The following SPAG16 variants were observed in gnomAD, a reference collection of about 807,000 sequenced individuals.
SPAG16 encodes the protein sperm associated antigen 16.
In SPAG16, 86 loss-of-function variants were observed where a neutral mutation model predicts 80.4. The observed-to-expected ratio is 1.07, with a 90% CI of 0.90 to 1.28. SPAG16 has a LOEUF of 1.28. Ranked by LOEUF, SPAG16 falls within the 50% of genes most tolerant of loss-of-function variation. The pLI is 0.00. For synonymous variants in SPAG16, 294 were observed against 265.9 expected (o/e 1.11, Z -1.03); for missense variants, 870 against 765.3 (o/e 1.14, Z -1.61).
At chr2:214,104,544 A>G (rs1236991040) in intron 13 of SPAG16, among the ~76,000 whole-genome samples, 1 of 152,032 alleles carries the variant, frequency 6.6e-6, no homozygotes, top group African/African-American at 2.4e-5. Context: ...TTGAAGAAAG[A>G]CTTGTAGTAG....
intron 10 of SPAG16, among the ~76,000 whole-genome samples, chr2:213,583,605 C>T (rs2060365652): frequency 6.6e-6 from 1 of 152,014 alleles, no homozygotes; most frequent in Non-Finnish European, 1.5e-5. Context: ...TAGATATTGA[C>T]ATTTGGGGGG....
At chr2:214,167,515 G>A (rs2056703985) in intron 15 of SPAG16, among the ~76,000 whole-genome samples, 1 of 151,944 alleles carries the variant, frequency 6.6e-6, no homozygotes, top group South Asian at 2.1e-4. Context: ...CTTTTCCTGG[G>A]GGTGGTTCCA....
intron 10 of SPAG16, among the ~76,000 whole-genome samples, chr2:213,705,778 G>T (rs1256536343): frequency 1.3e-5 from 1 of 79,938 alleles, no homozygotes; most frequent in Non-Finnish European, 2.4e-5. Flanking sequence ...GCCAATCATG[G>T]TGGAGGGTTT....
intron 15 of SPAG16, among the ~76,000 whole-genome samples, chr2:214,228,058 T>A (rs1160402315): frequency 6.6e-6 from 1 of 151,944 alleles, no homozygotes; most frequent in Admixed American, 6.6e-5. Flanking sequence ...GGCAAAGAAA[T>A]AATCTTTCAC....
At chr2:213,826,463 A>C (rs1351799591) in intron 10 of SPAG16, among the ~76,000 whole-genome samples, 1 of 151,520 alleles carries the variant, frequency 6.6e-6, no homozygotes, top group East Asian at 1.9e-4. Flanking sequence ...TGTTTCAAGA[A>C]ATTTTTCAAT....
intron 13 of SPAG16, among the ~76,000 whole-genome samples, chr2:214,102,999 T>A (rs1366322529): frequency 6.6e-6 from 1 of 152,128 alleles, no homozygotes; most frequent in Non-Finnish European, 1.5e-5. Context: ...GCTTCCCGCA[T>A]GCGCAGTGTT....
chr2:213,763,757 C>T (rs1047490298), intron 10 of SPAG16, among the ~76,000 whole-genome samples: 3 of 152,106 alleles, frequency 2.0e-5, no homozygotes, highest in East Asian at 1.9e-4. Context: ...AAAGACCGTT[C>T]GTTGCACTCA....
chr2:213,371,773 A>G (rs1302886828), intron 8 of SPAG16, among the ~76,000 whole-genome samples: 2 of 152,204 alleles, frequency 1.3e-5, no homozygotes, highest in Non-Finnish European at 2.9e-5. Flanking sequence ...CAAAGTTAGC[A>G]AAGTATTTTA....
At chr2:213,511,717 T>C (rs1038358285) in intron 10 of SPAG16, among the ~76,000 whole-genome samples, 5 of 152,092 alleles carry the variant, frequency 3.3e-5, no homozygotes, top group Admixed American at 6.5e-5. Flanking sequence ...ATCAAACTTA[T>C]TCTAGTGAGA....
chr2:214,015,556 C>G (rs994800302), intron 13 of SPAG16, among the ~76,000 whole-genome samples: 11 of 151,294 alleles, frequency 7.3e-5, no homozygotes, highest in African/African-American at 2.4e-4. Flanking sequence ...CGAAATCATG[C>G]CATTGCACTC....
At chr2:213,935,283 G>T (rs1327511068) in intron 12 of SPAG16, among the ~76,000 whole-genome samples, 2 of 150,346 alleles carry the variant, frequency 1.3e-5, no homozygotes, top group African/African-American at 4.9e-5. Flanking sequence ...ATTTTTGCTT[G>T]CCTAGTCTAC....
intron 10 of SPAG16, among the ~76,000 whole-genome samples, chr2:213,527,536 CT>C (rs1354141744): frequency 1.3e-5 from 2 of 152,048 alleles, no homozygotes; most frequent in Non-Finnish European, 2.9e-5. Flanking sequence ...TAATTTCTGC[CT>C]TTTTGCCTCT....
At chr2:213,935,717 T>A (rs922974345) in intron 12 of SPAG16, among the ~76,000 whole-genome samples, 3 of 152,206 alleles carry the variant, frequency 2.0e-5, no homozygotes, top group Non-Finnish European at 4.4e-5. Flanking sequence ...CATTTACTGA[T>A]AGGAATGAGT....
intron 7 of SPAG16, among the ~76,000 whole-genome samples, chr2:213,353,145 G>T (rs960203581): frequency 4.7e-4 from 71 of 152,284 alleles, no homozygotes; most frequent in African/African-American, 1.7e-3. Flanking sequence ...ATGAAACCTG[G>T]ATAGTTCTGG....
At chr2:213,345,889 TTAAAG>T (rs1421350694) in intron 6 of SPAG16, among the ~76,000 whole-genome samples, 3 of 152,184 alleles carry the variant, frequency 2.0e-5, no homozygotes, top group African/African-American at 7.2e-5. Context: ...CATATGAACT[TTAAAG>T]TAGTTTTTTC....
intron 1 of SPAG16, among the ~76,000 whole-genome samples, chr2:213,289,768 C>T (rs113841804): frequency 6.6e-6 from 1 of 152,210 alleles, no homozygotes; most frequent in Non-Finnish European, 1.5e-5. Flanking sequence ...AAAATGATTT[C>T]TGTCTATAGT....
intron 15 of SPAG16, among the ~76,000 whole-genome samples, chr2:214,384,628 C>G (rs1307787366): frequency 7.2e-5 from 11 of 152,180 alleles, no homozygotes; most frequent in Non-Finnish European, 4.4e-5. Flanking sequence ...CAATCTGTAT[C>G]CTTCACCAAG....
Position 213,611,730 on chromosome 2 carries a change from CTAA to C in SPAG16, c.1070+121646_1070+121648del, listed in dbSNP as rs2061445479. Among the ~76,000 whole-genome samples, 7 of 151,988 alleles carry C rather than the reference CTAA, an allele frequency of 4.6e-5. No homozygotes were observed. In the South Asian group the frequency reaches 1.5e-3, roughly 32 times the overall value. Reference sequence around the variant, plus strand: ...ACATATCAAGTTATTAGCTAATAAGCTAATAATAGGTGATAACATATTGAAGAA... The same window carrying C: ...ACATATCAAGTTATTAGCTAATAAGCTAATAGGTGATAACATATTGAAGAA... On this transcript the variant is annotated intron_variant, in intron 10 of 15. Transcript: ENST00000331683.
At chr2:213,831,407 TCAGG>T (rs2073650338) in intron 10 of SPAG16, among the ~76,000 whole-genome samples, 3 of 97,580 alleles carry the variant, frequency 3.1e-5, no homozygotes, top group South Asian at 1.4e-3. Context: ...AATTCATAAT[TCAGG>T]TGTTTTTTTT....
Sources: allele counts gnomAD v4.1 joint callset (sites outside exome capture counted in the v4.1 genomes callset), GRCh38; gene constraint gnomAD v4.1.1; transcripts MANE v1.5; gene names NCBI Gene and HGNC (gene_info 2026-07-23, HGNC 2026-07-21).